The following TRAFD1 variants were observed in gnomAD, a reference collection of about 807,000 sequenced individuals.
TRAFD1 encodes the protein TRAF-type zinc finger domain-containing protein 1.
A neutral mutation model predicts 65.3 loss-of-function variants in TRAFD1; 38 were observed. The ratio of observed to expected loss-of-function variants is 0.58; its 90% confidence interval spans 0.45 to 0.76. TRAFD1 has a LOEUF of 0.76. Among genes scored for constraint, TRAFD1 ranks in the 30% least tolerant of loss-of-function variants. The pLI, the probability that TRAFD1 is intolerant of heterozygous loss-of-function variation, is 0.00. For missense variants in TRAFD1, 631 were observed against 712.6 expected, an observed-to-expected ratio of 0.89 and a Z score of 1.30; for synonymous variants, 223 against 257.2, an observed-to-expected ratio of 0.87 and a Z score of 1.27.
chr12:112,141,134 C>A lies in TRAFD1; in HGVS notation c.553C>A (p.Pro185Thr), dbSNP rs773469802. ...CCCACCCATGAGGCTGCCGCGAAGG[C>A]CCCTGAGAGCCTTTGAATCAGATGT... ...LDPPMRLPRR[P>T]LRAFESDVFH... The change falls in exon 5 of 12, where the codon CCC becomes ACC. Residue 185 changes from proline (P) to threonine (T), a missense_variant. Transcript: ENST00000412615. 7.7e-5 allele frequency: 125 copies of A among 1,614,070 alleles called. No homozygotes were observed. The highest frequency in any genetic ancestry group is 1.0e-4 in the Non-Finnish European group (120 of 1,180,048).
intron 7 of TRAFD1, among the ~76,000 whole-genome samples, chr12:112,146,551 A>G (rs535404433): frequency 6.6e-6 from 1 of 152,172 alleles, no homozygotes; most frequent in Admixed American, 6.6e-5. Context: ...TTTTTCTAGA[A>G]AGGTCAAGGG....
In TRAFD1 at chr12:112,151,993, G is replaced by A; in HGVS notation, c.1472G>A (p.Ser491Asn). Residue 491 changes from serine (S) to asparagine (N), a missense_variant, in exon 10 of 12, where the codon AGC becomes AAC. By Grantham distance (46) the Ser-to-Asn change is conservative. Transcript: ENST00000412615. Reference protein sequence around the residue: ...PCVPKLSNSDSQDIQGRNRDS... With the variant: ...PCVPKLSNSDNQDIQGRNRDS... ...GTGCCGAAGCTCAGCAACTCAGACA[G>A]CCAGGACATCCAGGGGCGGAATCGA... 6.2e-7 allele frequency: 1 copy of A among 1,614,246 alleles called. No individual in the cohort carries two copies. Among genetic ancestry groups the A allele is most frequent in the Non-Finnish European group, 8.5e-7 (1 of 1,180,046 alleles).
chr12:112,152,574 TAGA>T lies in TRAFD1; in HGVS notation c.1692+78_1692+80del. The T allele has an allele frequency of 6.2e-7, 1 of 1,600,750 alleles. No individual in the cohort carries two copies. The highest frequency in any genetic ancestry group is 8.5e-7 in the Non-Finnish European group (1 of 1,169,912). On this transcript the variant is annotated intron_variant, in intron 11 of 11. Coordinates refer to ENST00000412615, the MANE Select transcript of TRAFD1 (RefSeq NM_006700.3). This position sits in a 1 kb window ranked among gnomAD's most constrained non-coding sequence, Gnocchi z 5.0. ...GGGGCTTGTGTGGCTCCTGAAGTTG[TAGA>T]AGTTGTTGGGACCAGGCTGGTTGTG...
At chr12:112,149,914 C>T (rs369585563) in intron 9 of TRAFD1, 43 bp downstream of exon 9, 15 of 1,610,234 alleles carry the variant, frequency 9.3e-6, no homozygotes, top group Non-Finnish European at 1.2e-5. Flanking sequence ...AGGTCTACTG[C>T]TGGCTCCGGC....
intron 4 of TRAFD1, 118 bp from the exon 5 acceptor site, chr12:112,140,701 G>A (rs1593867988): frequency 8.4e-7 from 1 of 1,188,348 alleles, no homozygotes; most frequent in Non-Finnish European, 1.2e-6. Flanking sequence ...AAAAAGGGTA[G>A]GAGAATCAAG....
chr12:112,128,977 G>A (rs2079553981), intron 1 of TRAFD1, among the ~76,000 whole-genome samples: 3 of 147,782 alleles, frequency 2.0e-5, no homozygotes, highest in Non-Finnish European at 4.4e-5. Context: ...ATCGCAGTGA[G>A]CCGAGATCGC....
chr12:112,148,131 A>G lies in TRAFD1; in HGVS notation c.985A>G (p.Arg329Gly), dbSNP rs766819939. Reference protein sequence around the residue: ...PSLNTGSSSPRGVEEPDVIFQ... With the variant: ...PSLNTGSSSPGGVEEPDVIFQ... ...ACTCAATACTGGCAGCTCTTCCCCC[A>G]GAGGGGTGGAGGAACCTGATGTCAT... Residue 329 changes from arginine to glycine, a missense_variant, in exon 8 of 12, where the codon AGA becomes GGA. Arg to Gly is a moderately radical substitution (Grantham distance 125). Coordinates refer to ENST00000412615, the MANE Select transcript of TRAFD1 (RefSeq NM_006700.3). 2 of 1,614,134 alleles carry G rather than the reference A, an allele frequency of 1.2e-6. No individual in the cohort carries two copies. Among genetic ancestry groups the G allele is most frequent in the Admixed American group, 3.3e-5 (2 of 60,018 alleles).
chr12:112,137,325 C>T lies in TRAFD1; in HGVS notation c.237+2259C>T, dbSNP rs1203833760. 2.0e-5 allele frequency among the ~76,000 whole-genome samples: 3 copies of T among 152,184 alleles called. No homozygotes were observed. Among genetic ancestry groups the T allele is most frequent in the Non-Finnish European group, 4.4e-5 (3 of 68,028 alleles). On this transcript the variant is annotated intron_variant, in intron 4 of 11. Coordinates refer to ENST00000412615, the MANE Select transcript of TRAFD1 (RefSeq NM_006700.3). This position sits in a 1 kb window ranked among gnomAD's most constrained non-coding sequence, Gnocchi z 4.2. The stretch of plus-strand genomic sequence containing the variant: ...TAATGCAAGTGAAATCAGTGCTGTG[C>T]CCCTTCAAGGAACCACGTGACAGTT...
Position 112,152,486 on chromosome 12 carries a change from G to A in TRAFD1, c.1679G>A (p.Ser560Asn). Reference sequence around the variant, plus strand: ...ACCCCTGCAGCTGCCAACTACCGCAGCAGAACTGCAAAGGTAAGGTGGGCT... The same window carrying A: ...ACCCCTGCAGCTGCCAACTACCGCAACAGAACTGCAAAGGTAAGGTGGGCT... ...RVTPAAANYR[S>N]RTAKAKPSKQ... Residue 560 changes from serine (S) to asparagine (N), a missense_variant, in exon 11 of 12, where the codon AGC becomes AAC. By Grantham distance (46) the Ser-to-Asn change is conservative. Coordinates refer to ENST00000412615, the MANE Select transcript of TRAFD1 (RefSeq NM_006700.3). This position sits in a 1 kb window ranked among gnomAD's most constrained non-coding sequence, Gnocchi z 5.0. 6.2e-7 allele frequency: 1 copy of A among 1,614,022 alleles called. No individual in the cohort carries two copies. The highest frequency in any genetic ancestry group is 8.5e-7 in the Non-Finnish European group (1 of 1,180,042).
At chr12:112,146,915 T>C (rs1298616805) in intron 7 of TRAFD1, among the ~76,000 whole-genome samples, 1 of 152,114 alleles carries the variant, frequency 6.6e-6, no homozygotes, top group Non-Finnish European at 1.5e-5. Context: ...TGATTGACTA[T>C]TCTTGAGCCA....
At chr12:112,140,148 T>C (rs926864760) in intron 4 of TRAFD1, 2 of 342,316 alleles carry the variant, frequency 5.8e-6, no homozygotes, top group African/African-American at 2.2e-5. Flanking sequence ...AGGCCGGGCG[T>C]GGTGGCTCAA....
intron 6 of TRAFD1, among the ~76,000 whole-genome samples, chr12:112,144,385 C>T (rs1471937009): frequency 6.6e-6 from 1 of 152,212 alleles, no homozygotes; most frequent in Middle Eastern, 3.4e-3. Context: ...TTTCTCCTGC[C>T]TCAGCCTCCA....
At chr12:112,151,320 G>A (rs1290486362) in intron 9 of TRAFD1, among the ~76,000 whole-genome samples, 1 of 152,052 alleles carries the variant, frequency 6.6e-6, no homozygotes, top group Non-Finnish European at 1.5e-5. Flanking sequence ...CAGATAATAT[G>A]TGCAGAATTG....
chr12:112,149,480 A>G (rs1566051722), intron 8 of TRAFD1: 1 of 272,502 alleles, frequency 3.7e-6, no homozygotes, highest in Non-Finnish European at 7.1e-6. Flanking sequence ...TAAAAAACAG[A>G]AAAAAAAAAG....
At chr12:112,148,391 T>C in intron 8 of TRAFD1, 87 bp downstream of exon 8, 7 of 1,146,978 alleles carry the variant, frequency 6.1e-6, no homozygotes, top group Non-Finnish European at 8.9e-6. Context: ...AGCCTTTAAG[T>C]TGCATTCCAT....
chr12:112,152,147 A>G lies in TRAFD1; in HGVS notation c.1619+7A>G. The G allele has an allele frequency of 1.2e-6, 2 of 1,605,786 alleles. No individual in the cohort carries two copies. The highest frequency in any genetic ancestry group is 2.2e-5 in the South Asian group (2 of 90,714). On this transcript the variant is annotated splice_region_variant and intron_variant, in intron 10 of 11. Transcript: ENST00000412615. The surrounding 1 kb of genome is among the most constrained non-coding windows in gnomAD (Gnocchi z 5.0). ...CAGGGAGATACGGAGCTAGGTAAGA[A>G]TCAGTAGCCCAGGAATGGGGCTTGG...
chr12:112,149,953 AAT>A (rs2030358356), intron 9 of TRAFD1, 82 bp downstream of exon 9: 2 of 1,560,372 alleles, frequency 1.3e-6, no homozygotes, highest in African/African-American at 1.4e-5. Flanking sequence ...CCACTGCTCT[AAT>A]GTGGGGATTA....
intron 8 of TRAFD1, chr12:112,149,346 T>C (rs537453063): frequency 8.3e-4 from 141 of 170,478 alleles, no homozygotes; most frequent in African/African-American, 3.1e-3. Context: ...GGTGAGAGTA[T>C]AGAAATGCTT....
rs2079562087 is a variant in TRAFD1 at position 112,130,431 on chromosome 12, G to A, written c.-12-80G>A. ...TTTGGGTGACAGTTTCTGTATACTA[G>A]TTTTTTATTTGTTTTTTTGCATGTC... On this transcript the variant is annotated intron_variant, in intron 1 of 11. Transcript: ENST00000412615. The surrounding 1 kb of genome is among the most constrained non-coding windows in gnomAD (Gnocchi z 4.4). 5 of 1,183,378 alleles carry A rather than the reference G, an allele frequency of 4.2e-6. No homozygotes were observed. Among genetic ancestry groups the A allele is most frequent in the East Asian group, 2.4e-5 (1 of 41,840 alleles). 73.3% of individuals were successfully genotyped at this position (1,183,378 alleles called of 1,614,324 possible).
Sources: allele counts gnomAD v4.1 joint callset (sites outside exome capture counted in the v4.1 genomes callset), GRCh38; gene constraint gnomAD v4.1.1; non-coding constraint Gnocchi (gnomAD v3.1); transcripts MANE v1.5; gene names NCBI Gene and HGNC (gene_info 2026-07-23, HGNC 2026-07-21).